The following LMF1 variants were observed in gnomAD, a reference collection of about 807,000 sequenced individuals.
The protein encoded by LMF1 is lipase maturation factor 1.
A neutral mutation model predicts 60.6 loss-of-function variants in LMF1; 68 were observed. The ratio of observed to expected loss-of-function variants is 1.12; its 90% confidence interval spans 0.92 to 1.37. The LOEUF is 1.37. Among genes scored for constraint, LMF1 ranks in the 40% most tolerant of loss-of-function variants. The probability of loss-of-function intolerance (pLI) is 0.00; values close to 1 mark genes in which losing one functional copy is unlikely to be tolerated. For synonymous variants in LMF1, 418 were observed against 324.7 expected (o/e 1.29, Z -3.09); for missense variants, 948 against 767.2 (o/e 1.24, Z -2.78).
chr16:951,721 G>A (rs2072473851), intron 2 of LMF1, among the ~76,000 whole-genome samples: 1 of 152,230 alleles, frequency 6.6e-6, no homozygotes, highest in African/African-American at 2.4e-5. Flanking sequence ...GTGGGCTCAT[G>A]ACTCCTGCAG....
intron 4 of LMF1, among the ~76,000 whole-genome samples, chr16:905,651 C>T (rs1282167414): frequency 2.0e-5 from 3 of 151,926 alleles, no homozygotes; most frequent in East Asian, 3.9e-4. Context: ...TTATGTATTC[C>T]AGATACAGGT....
chr16:935,138 T>C (rs1293775408), intron 2 of LMF1, among the ~76,000 whole-genome samples: 1 of 151,958 alleles, frequency 6.6e-6, no homozygotes, highest in Non-Finnish European at 1.5e-5. Context: ...GGTCTCATTC[T>C]ATCACCCAGG....
chr16:862,809 G>T (rs923880428), intron 10 of LMF1, among the ~76,000 whole-genome samples: 2 of 152,126 alleles, frequency 1.3e-5, no homozygotes, highest in African/African-American at 4.8e-5. Context: ...AGTGAGCCAT[G>T]TTTGTGCCAT....
rs566470768 is a variant in LMF1, at chr16:874,660, C to T, written c.898-3319G>A. Among the ~76,000 whole-genome samples, 17 of 152,262 alleles carry T rather than the reference C, an allele frequency of 1.1e-4. No homozygotes were observed. Among genetic ancestry groups the T allele is most frequent in the South Asian group, 6.2e-4 (3 of 4,824 alleles). ...CCGCAACTCCCCAACGGAAGGATCA[C>T]GGGAACCAGGACAGGCTCCGGGGGA... On this transcript the variant is annotated intron_variant, in intron 6 of 10. Coordinates refer to ENST00000262301, the MANE Select transcript of LMF1 (RefSeq NM_022773.4). The surrounding 1 kb of genome is among the most constrained non-coding windows in gnomAD (Gnocchi z 4.1).
At chr16:929,649 C>T (rs915966510) in intron 3 of LMF1, among the ~76,000 whole-genome samples, 1 of 152,238 alleles carries the variant, frequency 6.6e-6, no homozygotes, top group Non-Finnish European at 1.5e-5. Flanking sequence ...TTCGGGGCTG[C>T]GGAATTCATT....
At chr16:868,250 C>A (rs8057915) in intron 10 of LMF1, among the ~76,000 whole-genome samples, 14 of 152,032 alleles carry the variant, frequency 9.2e-5, no homozygotes, top group African/African-American at 3.4e-4. Context: ...CGTACCCCAG[C>A]GGGGCCCCAT....
intron 3 of LMF1, 148 bp downstream of exon 3, chr16:934,096 A>C: frequency 6.5e-7 from 1 of 1,535,886 alleles, no homozygotes; most frequent in Non-Finnish European, 8.7e-7. Context: ...ATCAGATCAC[A>C]AGCGCCCATC....
In LMF1 at chr16:869,773, C is replaced by A. The variant is rs2069722030; in HGVS notation, c.1416+110G>T. ...TCAGGCAGGATCCCATCTCTCCCAG[C>A]CTCCCTCCCCACCAGCCCCTTCAGT... On this transcript the variant is annotated intron_variant, in intron 9 of 10. Transcript: ENST00000262301. The A allele has an allele frequency of 3.5e-6, 4 of 1,148,724 alleles. No homozygotes were observed. The South Asian group carries it at 5.8e-5, about 17-fold the overall frequency. The allele number at this position is 1,148,724 out of a possible 1,614,324, so 71.2% of individuals were successfully genotyped here.
intron 5 of LMF1, among the ~76,000 whole-genome samples, chr16:884,646 G>T (rs1010519201): frequency 1.5e-4 from 23 of 152,024 alleles, no homozygotes; most frequent in Non-Finnish European, 2.5e-4. Flanking sequence ...TAGGTGGAGG[G>T]AGAATGATCA....
chr16:979,010 T>C, intron 1 of LMF1: 1 of 453,876 alleles, frequency 2.2e-6, no homozygotes, highest in South Asian at 1.6e-5. Flanking sequence ...CTCTGAGAGG[T>C]GCTTTTGGAG....
rs1369906029 is a variant in LMF1 at position 854,274 on chromosome 16, G to A, written c.*258C>T. 1 of 667,520 alleles carries A rather than the reference G, an allele frequency of 1.5e-6. No individual in the cohort carries two copies. Among genetic ancestry groups the A allele is most frequent in the African/African-American group, 1.8e-5 (1 of 56,564 alleles). 41.3% of individuals were successfully genotyped at this position (667,520 alleles called of 1,614,324 possible). On this transcript the variant is annotated 3_prime_UTR_variant, in exon 11 of 11. Transcript: ENST00000262301. Reference sequence around the variant, plus strand: ...GGCTGGGCCTCTGGGAGGAGGGTGGGATGGATGGGAGATCAGAGCCCCTGG... The same window carrying A: ...GGCTGGGCCTCTGGGAGGAGGGTGGAATGGATGGGAGATCAGAGCCCCTGG...
chr16:865,719 A>G (rs1384962106), intron 10 of LMF1, among the ~76,000 whole-genome samples: 2 of 152,136 alleles, frequency 1.3e-5, no homozygotes, highest in African/African-American at 4.8e-5. Context: ...TTATTTCTCC[A>G]AGTACATTTT....
intron 1 of LMF1, among the ~76,000 whole-genome samples, chr16:956,512 CA>C (rs946387252): frequency 3.0e-4 from 45 of 152,256 alleles, no homozygotes; most frequent in African/African-American, 1.1e-3. Context: ...AAAATACAAA[CA>C]AAAGAAAGTG....
At chr16:868,656 G>A (rs963512036) in intron 10 of LMF1, among the ~76,000 whole-genome samples, 1 of 152,068 alleles carries the variant, frequency 6.6e-6, no homozygotes, top group Non-Finnish European at 1.5e-5. Flanking sequence ...ACAAAGCTGT[G>A]AGCCGGGGTC....
chr16:931,919 T>A, intron 3 of LMF1: 2 of 762,250 alleles, frequency 2.6e-6, no homozygotes, highest in Non-Finnish European at 1.9e-6. Flanking sequence ...GAAGAATCAG[T>A]TAGAATGTAT....
At chr16:936,814 T>C (rs2071960203) in intron 2 of LMF1, among the ~76,000 whole-genome samples, 1 of 152,230 alleles carries the variant, frequency 6.6e-6, no homozygotes, top group Non-Finnish European at 1.5e-5. Flanking sequence ...AGCTTTGCTC[T>C]TTTATTAGCC....
At position 922,689 on chromosome 16, in the gene LMF1, G is replaced by A. The variant is rs534181328; in HGVS notation, c.514+11555C>T. The stretch of plus-strand genomic sequence containing the variant: ...GGGTGTGATGTGGTATTGGTGTCGT[G>A]TTGTTGCGAAGGCCCTGTGTGAAAG... On this transcript the variant is annotated intron_variant, in intron 3 of 10. Transcript: ENST00000262301. Among the ~76,000 whole-genome samples, 227 of 139,426 alleles carry A rather than the reference G, an allele frequency of 1.6e-3. 3 individuals carry two copies. Among genetic ancestry groups the A allele is most frequent in the African/African-American group, 5.7e-3 (212 of 37,332 alleles). 91.5% of individuals were successfully genotyped at this position (139,426 alleles called of 152,430 possible).
chr16:876,982 G>T (rs918256697), intron 6 of LMF1, among the ~76,000 whole-genome samples: 1 of 152,184 alleles, frequency 6.6e-6, no homozygotes. Context: ...AGAGAAAGAC[G>T]GCCACGCTGA....
intron 2 of LMF1, among the ~76,000 whole-genome samples, chr16:945,733 T>C (rs140513767): frequency 2.6e-5 from 4 of 152,266 alleles, no homozygotes; most frequent in Admixed American, 1.3e-4. Context: ...AGGAATCTAT[T>C]TGGAGAAGTA....
Sources: gnomAD v4.1 joint callset for allele counts (sites outside exome capture counted in the v4.1 genomes callset) on GRCh38, gnomAD v4.1.1 for gene constraint, Gnocchi (gnomAD v3.1) non-coding constraint, MANE v1.5 for transcripts, NCBI Gene and HGNC (gene_info 2026-07-23, HGNC 2026-07-21) for gene names.